The following CAMTA1 variants were observed in gnomAD, a reference collection of about 807,000 sequenced individuals.
The protein encoded by CAMTA1 is calmodulin binding transcription activator 1, also known as calmodulin-binding transcription activator 1.
In CAMTA1, 27 loss-of-function variants were observed where a neutral mutation model predicts 170.9. The observed-to-expected ratio is 0.16, with a 90% CI of 0.12 to 0.22. CAMTA1 has a LOEUF of 0.22. CAMTA1 is among the 10% of genes least tolerant of loss of function. The probability of loss-of-function intolerance (pLI) is 1.00; values close to 1 mark genes in which losing one functional copy is unlikely to be tolerated. For synonymous variants in CAMTA1, 833 were observed against 891.5 expected (o/e 0.93, Z 1.17); for missense variants, 1,619 against 2,217.2 (o/e 0.73, Z 5.42).
rs896955872 is a variant in CAMTA1, at chr1:6,965,305, A to T, written c.235-125999A>T. Among the ~76,000 whole-genome samples the T allele has an allele frequency of 6.6e-6, 1 of 151,940 alleles. No individual in the cohort carries two copies. The highest frequency in any genetic ancestry group is 1.5e-5 in the Non-Finnish European group (1 of 67,974). Reference sequence around the variant, plus strand: ...TTTAAGTGTGTGCTTGTGTCTGTGCATGTGTGTATGTGTGTGGGTGTGTGT... The same window carrying T: ...TTTAAGTGTGTGCTTGTGTCTGTGCTTGTGTGTATGTGTGTGGGTGTGTGT... On this transcript the variant is annotated intron_variant, in intron 3 of 22. Transcript: ENST00000303635. This position sits in a 1 kb window ranked among gnomAD's most constrained non-coding sequence, Gnocchi z 4.1.
At chr1:7,015,445 G>T (rs1700396487) in intron 3 of CAMTA1, among the ~76,000 whole-genome samples, 1 of 152,164 alleles carries the variant, frequency 6.6e-6, no homozygotes. Flanking sequence ...TTCCGGTGAG[G>T]CTGCAGCTAA....
intron 6 of CAMTA1, among the ~76,000 whole-genome samples, chr1:7,622,541 G>A (rs1025098556): frequency 4.6e-5 from 7 of 152,194 alleles, no homozygotes; most frequent in East Asian, 1.9e-4. Context: ...AAAACAGAGC[G>A]TTCTTTCGGA....
chr1:6,887,757 G>A lies in CAMTA1; in HGVS notation c.234+62547G>A. ...GGAATGAAAGCTGGCAGAATTCGTA[G>A]GGAGAGCTTTCCCATCCTGCCAGCC... On this transcript the variant is annotated intron_variant, in intron 3 of 22. Coordinates refer to ENST00000303635, the MANE Select transcript of CAMTA1 (RefSeq NM_015215.4). This position sits in a 1 kb window ranked among gnomAD's most constrained non-coding sequence, Gnocchi z 4.1. 1 of 1,534,804 alleles carries A rather than the reference G, an allele frequency of 6.5e-7. No individual in the cohort carries two copies. Among genetic ancestry groups the A allele is most frequent in the Non-Finnish European group, 8.7e-7 (1 of 1,146,380 alleles).
chr1:7,538,937 A>G (rs2094578678), intron 6 of CAMTA1, among the ~76,000 whole-genome samples: 1 of 152,040 alleles, frequency 6.6e-6, no homozygotes, highest in African/African-American at 2.4e-5. Flanking sequence ...GCGCTGAACT[A>G]CTAGCACCTT....
At chr1:7,419,123 C>T (rs527618783) in intron 5 of CAMTA1, among the ~76,000 whole-genome samples, 36 of 152,330 alleles carry the variant, frequency 2.4e-4, no homozygotes, top group African/African-American at 8.4e-4. Context: ...GCAGCACTTT[C>T]TTCCCTTCCC....
chr1:7,007,407 A>G lies in CAMTA1; in HGVS notation c.235-83897A>G, dbSNP rs978662637. 1.3e-5 allele frequency among the ~76,000 whole-genome samples: 2 copies of G among 151,980 alleles called. No individual in the cohort carries two copies. Among genetic ancestry groups the G allele is most frequent in the South Asian group, 4.2e-4 (2 of 4,818 alleles). On this transcript the variant is annotated intron_variant, in intron 3 of 22. Transcript: ENST00000303635. This position sits in a 1 kb window ranked among gnomAD's most constrained non-coding sequence, Gnocchi z 4.5. ...GCCTGTGGGCCACCCCGAGGAAGTG[A>G]CCCCTATGAGCCAGCCTTGTGGGGC...
At chr1:7,454,613 A>G (rs1193244) in intron 5 of CAMTA1, among the ~76,000 whole-genome samples, 112,465 of 152,024 alleles carry the variant, frequency 0.74, 41,788 homozygotes, top group East Asian at 0.8. Flanking sequence ...ACCTCCATCC[A>G]GGAGGACCGA....
chr1:7,394,348 C>G lies in CAMTA1; in HGVS notation c.439-73482C>G, dbSNP rs1178323480. ...CCCCCTTTCTCCACATTTATGCCAG[C>G]TTTTGTTATTTTTTGCCTCTTTGAT... is the stretch of plus-strand genomic sequence containing the variant. On this transcript the variant is annotated intron_variant, in intron 5 of 22. Transcript: ENST00000303635. Among the ~76,000 whole-genome samples, 5 of 152,236 alleles carry G rather than the reference C, an allele frequency of 3.3e-5. 1 individual carries two copies. The highest frequency in any genetic ancestry group is 4.1e-4 in the South Asian group (2 of 4,824).
chr1:6,891,476 T>C (rs1446790341), intron 3 of CAMTA1, among the ~76,000 whole-genome samples: 1 of 152,228 alleles, frequency 6.6e-6, no homozygotes, highest in Non-Finnish European at 1.5e-5. Flanking sequence ...GACATTAGAA[T>C]AGCCTTCTGT....
chr1:7,534,172 G>T lies in CAMTA1; in HGVS notation c.510+66271G>T, dbSNP rs1441696319. On this transcript the variant is annotated intron_variant, in intron 6 of 22. Transcript: ENST00000303635. The surrounding 1 kb of genome is among the most constrained non-coding windows in gnomAD (Gnocchi z 5.6). Reference sequence around the variant, plus strand: ...TGCCAATACAAAGCCATACATCTTGGTGTGTGACAAATCACTTTTTAATTG... The same window carrying T: ...TGCCAATACAAAGCCATACATCTTGTTGTGTGACAAATCACTTTTTAATTG... Among the ~76,000 whole-genome samples the T allele has an allele frequency of 6.6e-6, 1 of 152,174 alleles. No individual in the cohort carries two copies. The highest frequency in any genetic ancestry group is 1.5e-5 in the Non-Finnish European group (1 of 68,038).
chr1:7,130,708 A>C (rs1645197471), intron 4 of CAMTA1, among the ~76,000 whole-genome samples: 1 of 152,176 alleles, frequency 6.6e-6, no homozygotes, highest in South Asian at 2.1e-4. Flanking sequence ...TGATGCTGAC[A>C]GTCCTATAAA....
chr1:7,286,042 T>C lies in CAMTA1; in HGVS notation c.438+36416T>C, dbSNP rs186911049. 1.7e-3 allele frequency among the ~76,000 whole-genome samples: 254 copies of C among 152,314 alleles called. 2 individuals carry two copies. Among genetic ancestry groups the C allele is most frequent in the African/African-American group, 4.5e-3 (189 of 41,568 alleles). On this transcript the variant is annotated intron_variant, in intron 5 of 22. Transcript: ENST00000303635. This position sits in a 1 kb window ranked among gnomAD's most constrained non-coding sequence, Gnocchi z 4.2. The stretch of plus-strand genomic sequence containing the variant: ...TCAGATGTACCCACCACCGGGCCAA[T>C]GGAGCCTGCTGTGTGCCAAGCACCA...
At position 7,746,175 on chromosome 1, in the gene CAMTA1, AT is replaced by A. The variant is rs1011271311; in HGVS notation, c.4617+87del. 11 of 1,474,382 alleles carry A rather than the reference AT, an allele frequency of 7.5e-6. No individual in the cohort carries two copies. In the African/African-American group the frequency reaches 1.6e-4, roughly 21 times the overall value. 91.3% of individuals were successfully genotyped at this position (1,474,382 alleles called of 1,614,324 possible). A position where few individuals can be genotyped will look rare whatever the true frequency, so the allele number is the denominator to read the frequency against. Reference sequence around the variant, plus strand: ...AAGTCAGAATCATGCGAACAAAAACATTTACTATTTCTTTTTTTCCTCTGAA... The same window carrying A: ...AAGTCAGAATCATGCGAACAAAAACATTACTATTTCTTTTTTTCCTCTGAA... On this transcript the variant is annotated intron_variant, in intron 18 of 22. Transcript: ENST00000303635.
chr1:7,487,222 A>G (rs1430061253), intron 6 of CAMTA1, among the ~76,000 whole-genome samples: 1 of 152,112 alleles, frequency 6.6e-6, no homozygotes, highest in Non-Finnish European at 1.5e-5. Context: ...CTACTCTTCA[A>G]GCTCCTCAGT....
At chr1:7,371,046 G>A (rs2086420136) in intron 5 of CAMTA1, among the ~76,000 whole-genome samples, 1 of 151,262 alleles carries the variant, frequency 6.6e-6, no homozygotes, top group African/African-American at 2.4e-5. Flanking sequence ...AGAGTAGCTG[G>A]GATTACAGGT....
At position 7,063,521 on chromosome 1, in the gene CAMTA1, C is replaced by T. The variant is rs868591638; in HGVS notation, c.235-27783C>T. Reference sequence around the variant, plus strand: ...GGGGCAGACTACCTTCTAGACAGAACTTTCCAACTCTTGAAAGATTTCTTC... The same window carrying T: ...GGGGCAGACTACCTTCTAGACAGAATTTTCCAACTCTTGAAAGATTTCTTC... On this transcript the variant is annotated intron_variant, in intron 3 of 22. Transcript: ENST00000303635. This position sits in a 1 kb window ranked among gnomAD's most constrained non-coding sequence, Gnocchi z 4.3. Among the ~76,000 whole-genome samples the T allele has an allele frequency of 2.3e-4, 35 of 152,380 alleles. No homozygotes were observed. Among genetic ancestry groups the T allele is most frequent in the African/African-American group, 8.2e-4 (34 of 41,594 alleles).
intron 3 of CAMTA1, among the ~76,000 whole-genome samples, chr1:6,863,358 C>T (rs1001405712): frequency 7.2e-5 from 11 of 152,158 alleles, no homozygotes; most frequent in African/African-American, 2.7e-4. Flanking sequence ...AGGCCCTTCT[C>T]TATATTCCTT....
At chr1:7,047,665 C>T (rs948878252) in intron 3 of CAMTA1, among the ~76,000 whole-genome samples, 3 of 151,226 alleles carry the variant, frequency 2.0e-5, no homozygotes, top group Non-Finnish European at 2.9e-5. Context: ...AAGCTCTTTG[C>T]GGCCTCATTT....
At chr1:7,123,563 G>T (rs759317596) in intron 4 of CAMTA1, among the ~76,000 whole-genome samples, 3 of 152,092 alleles carry the variant, frequency 2.0e-5, no homozygotes, top group Non-Finnish European at 2.9e-5. Context: ...AGTGTGCCAG[G>T]CTCTTTCTCA....
Sources: allele counts gnomAD v4.1 joint callset (sites outside exome capture counted in the v4.1 genomes callset), GRCh38; gene constraint gnomAD v4.1.1; non-coding constraint Gnocchi (gnomAD v3.1); transcripts MANE v1.5; gene names NCBI Gene and HGNC (gene_info 2026-07-23, HGNC 2026-07-21).